Variants in PSMC2 observed in about 807,000 individuals in gnomAD.
PSMC2 encodes 26S proteasome regulatory subunit 7.
In PSMC2, 7 loss-of-function variants were observed where a neutral mutation model predicts 53.3. The observed-to-expected ratio is 0.13, with a 90% CI of 0.07 to 0.25. The LOEUF (loss-of-function observed/expected upper bound fraction) is 0.25, where lower values mean the gene tolerates loss of function less well. Among genes scored for constraint, PSMC2 ranks in the 10% least tolerant of loss-of-function variants. The pLI, the probability that PSMC2 is intolerant of heterozygous loss-of-function variation, is 1.00. For synonymous variants in PSMC2, 169 were observed against 183.9 expected (o/e 0.92, Z 0.66); for missense variants, 241 against 544.0 (o/e 0.44, Z 5.54).
intron 1 of PSMC2, chr7:103,353,060 A>G: frequency 1.3e-6 from 1 of 758,396 alleles, no homozygotes; most frequent in Non-Finnish European, 2.5e-6. Context: ...GCAGCTAAGC[A>G]AATTCAGAAA....
chr7:103,364,958 C>CATATATAT (rs59914167), intron 8 of PSMC2, among the ~76,000 whole-genome samples: 5,788 of 125,302 alleles, frequency 0.046, 187 homozygotes, highest in East Asian at 0.092. Flanking sequence ...TGTAGACATA[C>CATATATAT]ATATATATAT....
chr7:103,368,196 G>T lies in PSMC2; in HGVS notation c.*142G>T. On this transcript the variant is annotated 3_prime_UTR_variant, in exon 12 of 12. Coordinates refer to ENST00000292644, the MANE Select transcript of PSMC2 (RefSeq NM_002803.4). ...CTCTTCTTGTAATATAATAAAAGGT[G>T]ATTTCTAATGTTATTAGGCAGAAAA... 1.3e-6 allele frequency: 1 copy of T among 764,772 alleles called. No homozygotes were observed. Among genetic ancestry groups the T allele is most frequent in the Non-Finnish European group, 2.0e-6 (1 of 507,090 alleles). 47.4% of individuals were successfully genotyped at this position (764,772 alleles called of 1,614,324 possible).
chr7:103,367,633 T>C lies in PSMC2; in HGVS notation c.1047+18T>C. On this transcript the variant is annotated intron_variant, in intron 10 of 11. Coordinates refer to ENST00000292644, the MANE Select transcript of PSMC2 (RefSeq NM_002803.4). The surrounding 1 kb of genome is among the most constrained non-coding windows in gnomAD (Gnocchi z 6.1). ...ATCTAGAGGTAAGAAAACCATTTCA[T>C]TTTAGGAAAGGGATTTTTGAAGTTT... The C allele has an allele frequency of 6.2e-7, 1 of 1,611,222 alleles. No homozygotes were observed. Among genetic ancestry groups the C allele is most frequent in the Non-Finnish European group, 8.5e-7 (1 of 1,178,678 alleles).
chr7:103,360,948 T>C (rs112722233), intron 4 of PSMC2, among the ~76,000 whole-genome samples: 9,732 of 150,804 alleles, frequency 0.065, 466 homozygotes, highest in African/African-American at 0.14. Context: ...CCCGTATATA[T>C]TAAAAATACA....
chr7:103,366,266 C>G (rs1435456076), intron 9 of PSMC2, 103 bp downstream of exon 9: 7 of 999,930 alleles, frequency 7.0e-6, no homozygotes, highest in Non-Finnish European at 1.1e-5. Context: ...TTAACTCCAA[C>G]TCTTCTATGA....
intron 1 of PSMC2, 128 bp downstream of exon 1, chr7:103,347,909 G>A: frequency 3.1e-6 from 3 of 973,206 alleles, no homozygotes; most frequent in South Asian, 1.4e-5. Context: ...TAGTAATTTA[G>A]TCTGGACACC....
upstream of PSMC2, chr7:103,347,614 A>G (rs991103022): frequency 6.9e-7 from 1 of 1,443,424 alleles, no homozygotes; most frequent in Non-Finnish European, 9.7e-7. Flanking sequence ...GTCTGAGCCC[A>G]ATTTACTTCC....
Position 103,352,811 on chromosome 7 carries a change from A to G in PSMC2, c.71-1110A>G, listed in dbSNP as rs1279504281. 6.4e-6 allele frequency: 5 copies of G among 780,204 alleles called. No homozygotes were observed. In the East Asian group the frequency reaches 1.2e-4, roughly 19 times the overall value. The allele number at this position is 780,204 out of a possible 1,614,324, so 48.3% of individuals were successfully genotyped here. Reference sequence around the variant, plus strand: ...GTGACTTGGCTGAGGTCACCCCACTAACAGATTCCAGAGCTGGCATTCAAA... The same window carrying G: ...GTGACTTGGCTGAGGTCACCCCACTGACAGATTCCAGAGCTGGCATTCAAA... On this transcript the variant is annotated intron_variant, in intron 1 of 11. Coordinates refer to ENST00000292644, the MANE Select transcript of PSMC2 (RefSeq NM_002803.4).
At position 103,359,138 on chromosome 7, in the gene PSMC2, C is replaced by CTTTTTTTTTTTTTT. The variant is rs35936603; in HGVS notation, c.291-2800_291-2787dup. On this transcript the variant is annotated intron_variant, in intron 4 of 11. Coordinates refer to ENST00000292644, the MANE Select transcript of PSMC2 (RefSeq NM_002803.4). ...CAGGTGCATACCACCCCATGTCTGG[C>CTTTTTTTTTTTTTT]TTTTTTTTTTTTTTTTTTTTTTTTT... 9.6e-4 allele frequency among the ~76,000 whole-genome samples: 30 copies of CTTTTTTTTTTTTTT among 31,334 alleles called. 2 individuals carry two copies. The South Asian group carries it at 0.011, about 12-fold the overall frequency. The allele number at this position is 31,334 out of a possible 152,430, so 20.6% of individuals were successfully genotyped here.
At chr7:103,363,196 G>T in intron 6 of PSMC2, 148 bp from the exon 7 acceptor site, 1 of 611,640 alleles carries the variant, frequency 1.6e-6, no homozygotes, top group South Asian at 2.3e-5. Context: ...ACAGCAAGTA[G>T]TTCCAGGGCA....
chr7:103,347,753 G>C lies in PSMC2; in HGVS notation c.42G>C (p.Glu14Asp). The change falls in exon 1 of 12, where the codon GAG becomes GAC. Residue 14 changes from glutamate to aspartate, a missense_variant. This residue lies in a region of PSMC2 where 70 missense variants were observed against 57.9 expected (regional missense o/e 1.21). Coordinates refer to ENST00000292644, the MANE Select transcript of PSMC2 (RefSeq NM_002803.4). Reference sequence around the variant, plus strand: ...GTGCCGATCAGCGGAAGACCAAAGAGGATGAGAAGGACGACAAGCCCATCC... The same window carrying C: ...GTGCCGATCAGCGGAAGACCAAAGACGATGAGAAGGACGACAAGCCCATCC... ...YLGADQRKTK[E>D]DEKDDKPIRA... 6.2e-7 allele frequency: 1 copy of C among 1,613,922 alleles called. No individual in the cohort carries two copies. Among genetic ancestry groups the C allele is most frequent in the Non-Finnish European group, 8.5e-7 (1 of 1,179,834 alleles).
chr7:103,362,371 G>A (rs1820461042), intron 5 of PSMC2: 1 of 1,340,346 alleles, frequency 7.5e-7, no homozygotes, highest in Non-Finnish European at 9.5e-7. Flanking sequence ...GGTTGGGGGA[G>A]TACTTGCTTT....
At position 103,354,854 on chromosome 7, in the gene PSMC2, C is replaced by G. The variant is rs772627775; in HGVS notation, c.109-14C>G. ...TATCCTGATATTCTAACTAAACTGACCTTCATCACCTAGGGTCAGAGCACT... is the reference window on the plus strand; with the variant it reads ...TATCCTGATATTCTAACTAAACTGAGCTTCATCACCTAGGGTCAGAGCACT... On this transcript the variant is annotated splice_polypyrimidine_tract_variant and intron_variant, in intron 2 of 11. Transcript: ENST00000292644. The G allele has an allele frequency of 1.9e-6, 3 of 1,575,990 alleles. No homozygotes were observed. The highest frequency in any genetic ancestry group is 2.6e-6 in the Non-Finnish European group (3 of 1,150,172).
chr7:103,367,721 C>G lies in PSMC2; in HGVS notation c.1056C>G (p.Thr352=). 1.2e-6 allele frequency: 2 copies of G among 1,612,936 alleles called. No individual in the cohort carries two copies. Among genetic ancestry groups the G allele is most frequent in the East Asian group, 4.5e-5 (2 of 44,860 alleles). The part of the protein sequence containing the change: ...EFSLPDLEGR[T]HIFKIHARSM... Reference sequence around the variant, plus strand: ...AATTTTCTCATTTTTAGGGTCGGACCCACATATTTAAGATTCACGCTCGTT... The same window carrying G: ...AATTTTCTCATTTTTAGGGTCGGACGCACATATTTAAGATTCACGCTCGTT... Residue 352 remains threonine (T), a synonymous_variant, in exon 11 of 12, where the codon ACC becomes ACG. Coordinates refer to ENST00000292644, the MANE Select transcript of PSMC2 (RefSeq NM_002803.4). This position sits in a 1 kb window ranked among gnomAD's most constrained non-coding sequence, Gnocchi z 6.1.
At chr7:103,354,736 A>C in intron 2 of PSMC2, 132 bp from the exon 3 acceptor site, 3 of 612,332 alleles carry the variant, frequency 4.9e-6, no homozygotes, top group Non-Finnish European at 8.7e-6. Flanking sequence ...TGGGTCAGGA[A>C]TACCTCTCTA....
intron 7 of PSMC2, among the ~76,000 whole-genome samples, 160 bp from the exon 8 acceptor site, chr7:103,363,983 G>A (rs752992304): frequency 2.6e-5 from 4 of 152,158 alleles, no homozygotes; most frequent in Non-Finnish European, 5.9e-5. Flanking sequence ...TTCTTATTTA[G>A]TTCAAGTATG....
chr7:103,364,985 T>TATATATATATATATATATATATATATA (rs1820631473), intron 8 of PSMC2, among the ~76,000 whole-genome samples: 1 of 55,614 alleles, frequency 1.8e-5, no homozygotes, highest in African/African-American at 6.0e-5. Context: ...ATATATATAT[T>TATATATATATATATATATATATATATA]TAGAGAATAA....
chr7:103,350,449 A>G (rs1357511201), intron 1 of PSMC2, among the ~76,000 whole-genome samples: 3 of 152,170 alleles, frequency 2.0e-5, no homozygotes, highest in African/African-American at 4.8e-5. Flanking sequence ...ATCTCAATTT[A>G]TAGCAGCTAT....
At position 103,355,777 on chromosome 7, in the gene PSMC2, C is replaced by G; in HGVS notation, c.274C>G (p.Pro92Ala). The change falls in exon 4 of 12, where the codon CCT becomes GCT. Residue 92 changes from proline (P) to alanine (A), a missense_variant. This residue lies in a region of PSMC2 where 75 missense variants were observed against 185.1 expected (regional missense o/e 0.41). Coordinates refer to ENST00000292644, the MANE Select transcript of PSMC2 (RefSeq NM_002803.4). The part of the protein sequence containing the change: ...ADKQTLQSEQ[P>A]LQVARCTKII... ...TAAGCAGACACTCCAGAGTGAACAG[C>G]CTTTACAGGTTGCCAGGTATGCACG... 6.2e-7 allele frequency: 1 copy of G among 1,613,466 alleles called. No individual in the cohort carries two copies. Among genetic ancestry groups the G allele is most frequent in the Non-Finnish European group, 8.5e-7 (1 of 1,179,570 alleles).
Sources: gnomAD v4.1 joint callset for allele counts (sites outside exome capture counted in the v4.1 genomes callset) on GRCh38, gnomAD v4.1.1 for gene constraint, gnomAD v4.1.1 regional missense constraint, Gnocchi (gnomAD v3.1) non-coding constraint, MANE v1.5 for transcripts, NCBI Gene and HGNC (gene_info 2026-07-23, HGNC 2026-07-21) for gene names.